NTRK3: variants seen among roughly 807,000 people sequenced by gnomAD.
NTRK3 encodes neurotrophic receptor tyrosine kinase 3, also known as NT-3 growth factor receptor.
Under a neutral mutation model 91.7 loss-of-function variants are expected in NTRK3, and 24 were observed. The observed-to-expected ratio is 0.26, with a 90% CI of 0.19 to 0.37. NTRK3 has a LOEUF of 0.37. Ranked by LOEUF, NTRK3 falls within the 10% of genes least tolerant of loss-of-function variation. The pLI, the probability that NTRK3 is intolerant of heterozygous loss-of-function variation, is 1.00. For missense variants in NTRK3, 880 were observed against 1,068.9 expected, an observed-to-expected ratio of 0.82 and a Z score of 2.46; for synonymous variants, 483 against 404.0, an observed-to-expected ratio of 1.20 and a Z score of -2.34.
At chr15:88,160,591 A>T (rs72758245) in intron 5 of NTRK3, among the ~76,000 whole-genome samples, 2 of 152,284 alleles carry the variant, frequency 1.3e-5, no homozygotes, top group Non-Finnish European at 2.9e-5. Flanking sequence ...CCCCACTTCT[A>T]GCAGGGTCCA....
chr15:88,085,048 C>G (rs142954686), intron 13 of NTRK3, among the ~76,000 whole-genome samples: 13 of 152,108 alleles, frequency 8.5e-5, no homozygotes, highest in Admixed American at 5.9e-4. Flanking sequence ...TAACCAATTC[C>G]CAGGGTCAAA....
intron 13 of NTRK3, among the ~76,000 whole-genome samples, chr15:88,058,457 G>A (rs757941305): frequency 1.6e-4 from 24 of 152,278 alleles, no homozygotes; most frequent in Admixed American, 7.8e-4. Flanking sequence ...TCCTCCAAAG[G>A]TCAAAGGTTA....
intron 13 of NTRK3, among the ~76,000 whole-genome samples, chr15:88,043,889 T>C (rs750983030): frequency 3.9e-5 from 6 of 152,116 alleles, no homozygotes; most frequent in Non-Finnish European, 8.8e-5. Flanking sequence ...CCCACAGTTG[T>C]ATGGGTCTCA....
At chr15:88,151,886 C>A (rs1007730874) in intron 5 of NTRK3, among the ~76,000 whole-genome samples, 1 of 152,190 alleles carries the variant, frequency 6.6e-6, no homozygotes, top group East Asian at 1.9e-4. Context: ...GACTGCCTCA[C>A]CTGTGTACTC....
At chr15:88,128,814 G>T (rs2053546731) in intron 10 of NTRK3, 80 bp from the exon 11 acceptor site, 1 of 1,235,968 alleles carries the variant, frequency 8.1e-7, no homozygotes, top group East Asian at 2.3e-5. Flanking sequence ...TAATAGCTAT[G>T]ATCTCTCCCA....
intron 14 of NTRK3, chr15:87,977,438 G>A (rs751813148): frequency 8.4e-5 from 18 of 213,064 alleles, no homozygotes; most frequent in African/African-American, 2.3e-4. Context: ...GAAACACAAC[G>A]CCCCATTGTC....
chr15:88,198,319 G>T (rs2048007935), intron 3 of NTRK3, among the ~76,000 whole-genome samples: 1 of 152,064 alleles, frequency 6.6e-6, no homozygotes, highest in African/African-American at 2.4e-5. Flanking sequence ...GCCAAACAAA[G>T]CCCTGGCTGC....
At chr15:88,250,634 C>G (rs1053870448) in intron 3 of NTRK3, among the ~76,000 whole-genome samples, 1 of 152,144 alleles carries the variant, frequency 6.6e-6, no homozygotes, top group Admixed American at 6.5e-5. Context: ...ACCATACCCC[C>G]CTATTAATCA....
exon 19 of NTRK3, chr15:87,859,810 G>A (rs2141364767): frequency 5.6e-6 from 1 of 178,084 alleles, no homozygotes; most frequent in Non-Finnish European, 1.2e-5. Context: ...GGAGGATACA[G>A]GTCTACACAC....
rs558802942 is a variant in NTRK3 at position 88,057,355 on chromosome 15, G to A, written c.1397-24310C>T. ...CCACTAAAAATACAAAAAATTAGCC[G>A]GGCGTGGTGGCAGGTGCCTGTAATC... On this transcript the variant is annotated intron_variant, in intron 13 of 18. Transcript: ENST00000394480. Among the ~76,000 whole-genome samples the A allele has an allele frequency of 1.2e-4, 18 of 151,890 alleles. 1 individual carries two copies. In the South Asian group the frequency reaches 3.3e-3, roughly 28 times the overall value.
At chr15:87,918,159 A>G (rs2067590619) in intron 17 of NTRK3, among the ~76,000 whole-genome samples, 1 of 152,180 alleles carries the variant, frequency 6.6e-6, no homozygotes, top group South Asian at 2.1e-4. Context: ...ACTGTGGCAC[A>G]GGATCTCACT....
intron 3 of NTRK3, among the ~76,000 whole-genome samples, chr15:88,189,218 G>A (rs1184773864): frequency 1.3e-5 from 2 of 152,042 alleles, no homozygotes; most frequent in Non-Finnish European, 2.9e-5. Flanking sequence ...GAGTCTCTTT[G>A]GCAATTCTAA....
intron 16 of NTRK3, among the ~76,000 whole-genome samples, 177 bp downstream of exon 16, chr15:87,932,835 A>T (rs554680338): frequency 2.3e-4 from 35 of 152,288 alleles, no homozygotes; most frequent in African/African-American, 7.9e-4. Context: ...CAAACCGGGG[A>T]CAAAGGCCTG....
exon 19 of NTRK3, chr15:87,869,596 G>A (rs1043237421): frequency 6.7e-5 from 14 of 210,314 alleles, no homozygotes; most frequent in Non-Finnish European, 1.3e-4. Context: ...AGACTTTCGT[G>A]GAGTTTGAGA....
intron 13 of NTRK3, among the ~76,000 whole-genome samples, chr15:88,036,511 A>G (rs1447249193): frequency 1.3e-5 from 2 of 152,202 alleles, no homozygotes; most frequent in African/African-American, 2.4e-5. Context: ...CCGTCTTAGC[A>G]TGCATCAGGA....
chr15:88,063,212 C>T (rs1042474468), intron 13 of NTRK3, among the ~76,000 whole-genome samples: 2 of 152,214 alleles, frequency 1.3e-5, no homozygotes, highest in Non-Finnish European at 2.9e-5. Flanking sequence ...GTGAGTGCTC[C>T]ATACCTGCCA....
At chr15:88,008,932 C>T (rs564887327) in intron 14 of NTRK3, among the ~76,000 whole-genome samples, 2 of 152,214 alleles carry the variant, frequency 1.3e-5, no homozygotes, top group Non-Finnish European at 2.9e-5. Context: ...ACCAGCCCCC[C>T]TCGGGCCTAG....
intron 13 of NTRK3, among the ~76,000 whole-genome samples, chr15:88,081,561 A>G (rs777077090): frequency 3.3e-5 from 5 of 152,028 alleles, no homozygotes; most frequent in Non-Finnish European, 5.9e-5. Context: ...GGTCGTGGAC[A>G]CTCCATCCTC....
At position 87,912,139 on chromosome 15, in the gene NTRK3, C is replaced by T. The variant is rs77066506; in HGVS notation, c.2133+17052G>A. Among the ~76,000 whole-genome samples, 931 of 152,302 alleles carry T rather than the reference C, an allele frequency of 6.1e-3. 8 individuals carry two copies. The highest frequency in any genetic ancestry group is 0.031 in the Middle Eastern group (9 of 294). ...GTTGCTGCTGGTTGCTTTAAGATTA[C>T]ATTGGAGAGCCGAAAATCTCTAAAT... is the stretch of plus-strand genomic sequence containing the variant. On this transcript the variant is annotated intron_variant, in intron 17 of 18. Coordinates refer to ENST00000394480, the Ensembl canonical transcript of NTRK3.
Sources: gnomAD v4.1 joint callset for allele counts (sites outside exome capture counted in the v4.1 genomes callset) on GRCh38, gnomAD v4.1.1 for gene constraint, MANE v1.5 for transcripts, NCBI Gene and HGNC (gene_info 2026-07-23, HGNC 2026-07-21) for gene names.